HMOX1: variants seen among roughly 807,000 people sequenced by gnomAD.
HMOX1 encodes the protein heat shock protein, 32-kD.
HMOX1 carries 22 observed loss-of-function variants against 27.8 expected under a neutral mutation model. The ratio of observed to expected loss-of-function variants is 0.79; its 90% confidence interval spans 0.57 to 1.13. The LOEUF is 1.13. Ranked by LOEUF, HMOX1 falls within the 50% of genes most tolerant of loss-of-function variation. HMOX1 has a pLI of 0.00. For synonymous variants in HMOX1, 153 were observed against 151.6 expected, an observed-to-expected ratio of 1.01 and a Z score of -0.07; for missense variants, 379 against 377.7, an observed-to-expected ratio of 1.00 and a Z score of -0.03.
At chr22:35,393,097 A>G (rs370947742) in intron 4 of HMOX1, among the ~76,000 whole-genome samples, 6 of 152,326 alleles carry the variant, frequency 3.9e-5, no homozygotes, top group African/African-American at 1.2e-4. Flanking sequence ...CTGCCCCATC[A>G]TCACCATGCT....
In HMOX1 at chr22:35,393,353, G is replaced by T. The variant is rs1366482356; in HGVS notation, c.737-115G>T. 8 of 1,284,658 alleles carry T rather than the reference G, an allele frequency of 6.2e-6. No individual in the cohort carries two copies. The East Asian group carries it at 1.2e-4, about 19-fold the overall frequency. The allele number at this position is 1,284,658 out of a possible 1,614,324, so 79.6% of individuals were successfully genotyped here. A position where few individuals can be genotyped will look rare whatever the true frequency, so the allele number is the denominator to read the frequency against. ...GTCTGTGGTCTTGCAGAATCCTGGC[G>T]TTGGGCAGTGACTGTACCACAGACC... On this transcript the variant is annotated intron_variant, in intron 4 of 4. Transcript: ENST00000216117.
At position 35,386,699 on chromosome 22, in the gene HMOX1, C is replaced by T; in HGVS notation, c.159C>T (p.Ser53=). The T allele has an allele frequency of 3.1e-6, 5 of 1,614,174 alleles. No homozygotes were observed. The highest frequency in any genetic ancestry group is 3.4e-6 in the Non-Finnish European group (4 of 1,180,016). ...TRDGFKLVMA[S]LYHIYVALEE... is the part of the protein sequence containing the mutation. Reference sequence around the variant, plus strand: ...TCTGCTTTCAGCTGGTGATGGCCTCCCTGTACCACATCTATGTGGCCCTGG... The same window carrying T: ...TCTGCTTTCAGCTGGTGATGGCCTCTCTGTACCACATCTATGTGGCCCTGG... The change falls in exon 3 of 5, where the codon TCC becomes TCT. Residue 53 remains serine, a synonymous_variant. Transcript: ENST00000216117.
chr22:35,389,505 C>T (rs1052703237), intron 3 of HMOX1, among the ~76,000 whole-genome samples: 2 of 149,940 alleles, frequency 1.3e-5, no homozygotes, highest in Non-Finnish European at 2.9e-5. Context: ...TGCAATGGGG[C>T]GATCTTGGCT....
At chr22:35,383,026 C>T in intron 1 of HMOX1, 80 bp from the exon 2 acceptor site, 1 of 1,589,208 alleles carries the variant, frequency 6.3e-7, no homozygotes, top group South Asian at 1.1e-5. Context: ...GAAGGCCTGC[C>T]CACAGGTGGG....
chr22:35,389,459 T>G (rs1046176068), intron 3 of HMOX1, among the ~76,000 whole-genome samples: 4 of 142,902 alleles, frequency 2.8e-5, no homozygotes, highest in African/African-American at 8.7e-5. Flanking sequence ...TTTTCTTTCT[T>G]TCTTGCAGAG....
intron 3 of HMOX1, 64 bp from the exon 4 acceptor site, chr22:35,389,800 A>C: frequency 8.9e-7 from 1 of 1,119,252 alleles, no homozygotes; most frequent in Non-Finnish European, 1.3e-6. Context: ...TTAAGGTCCT[A>C]CCTTCAGCTG....
chr22:35,390,078 G>T (rs1278522056), intron 4 of HMOX1, 115 bp downstream of exon 4: 2 of 789,874 alleles, frequency 2.5e-6, no homozygotes, highest in East Asian at 2.7e-5. Flanking sequence ...GGTGGGTGTT[G>T]TTTCCTGCTG....
chr22:35,387,825 T>C (rs957063918), intron 3 of HMOX1, among the ~76,000 whole-genome samples: 1 of 152,258 alleles, frequency 6.6e-6, no homozygotes, highest in Non-Finnish European at 1.5e-5. Context: ...CATGCCCTCC[T>C]GGCTCCCTAC....
At chr22:35,391,593 T>TG (rs1479416856) in intron 4 of HMOX1, among the ~76,000 whole-genome samples, 1 of 130,954 alleles carries the variant, frequency 7.6e-6, no homozygotes, top group African/African-American at 3.1e-5. Context: ...GGCCTTTTTT[T>TG]TTTTTTTTTT....
chr22:35,383,119 T>A lies in HMOX1; in HGVS notation c.37T>A (p.Leu13Met), dbSNP rs369762159. The change falls in exon 2 of 5, where the codon TTG (leucine) becomes ATG (methionine). Residue 13 changes from leucine (L) to methionine (M), a missense_variant. By Grantham distance (15) the Leu-to-Met change is conservative. Transcript: ENST00000216117. ...RPQPDSMPQD[L>M]SEALKEATKE... ...TTTCCTCCTCAGCATGCCCCAGGAT[T>A]TGTCAGAGGCCCTGAAGGAGGCCAC... The A allele has an allele frequency of 5.1e-5, 83 of 1,613,556 alleles. No individual in the cohort carries two copies. The highest frequency in any genetic ancestry group is 6.1e-5 in the Non-Finnish European group (72 of 1,179,694).
intron 3 of HMOX1, among the ~76,000 whole-genome samples, chr22:35,388,048 G>T (rs1381296099): frequency 2.0e-5 from 3 of 152,044 alleles, no homozygotes; most frequent in South Asian, 4.1e-4. Context: ...CGGATTGCTT[G>T]AGCTCAGGAG....
At chr22:35,387,301 C>A in intron 3 of HMOX1, 125 bp downstream of exon 3, 3 of 1,118,168 alleles carry the variant, frequency 2.7e-6, no homozygotes, top group Non-Finnish European at 4.0e-6. Flanking sequence ...TCCAGCACTG[C>A]CACTTACTAG....
Position 35,386,908 on chromosome 22 carries a change from G to A in HMOX1, c.368G>A (p.Arg123His), listed in dbSNP as rs903006597. 1.2e-5 allele frequency: 19 copies of A among 1,613,912 alleles called. 1 individual carries two copies. The highest frequency in any genetic ancestry group is 3.3e-4 in the Middle Eastern group (2 of 6,082). ...GTGAAGCGGCTCCACGAGGTGGGGC[G>A]CACAGAGCCCGAGCTGCTGGTGGCC... The part of the protein sequence containing the change: ...RYVKRLHEVG[R>H]TEPELLVAHA... The change falls in exon 3 of 5, where the codon CGC (arginine) becomes CAC (histidine). Residue 123 changes from arginine to histidine, a missense_variant. Transcript: ENST00000216117.
intron 1 of HMOX1, among the ~76,000 whole-genome samples, chr22:35,382,227 C>T (rs1322095558): frequency 6.6e-6 from 1 of 152,158 alleles, no homozygotes; most frequent in Non-Finnish European, 1.5e-5. Flanking sequence ...CCAGGATTTC[C>T]CCCTTGGTTT....
intron 4 of HMOX1, chr22:35,390,170 C>G: frequency 1.7e-6 from 1 of 604,936 alleles, no homozygotes. Flanking sequence ...AAGCAATCCT[C>G]TTGCCTCTGC....
chr22:35,388,268 C>T (rs921801394), intron 3 of HMOX1, among the ~76,000 whole-genome samples: 3 of 151,702 alleles, frequency 2.0e-5, no homozygotes, highest in Non-Finnish European at 2.9e-5. Flanking sequence ...CCTGGCAACA[C>T]AGTGAGACCC....
At chr22:35,385,508 C>A (rs1931479982) in intron 2 of HMOX1, among the ~76,000 whole-genome samples, 1 of 149,926 alleles carries the variant, frequency 6.7e-6, no homozygotes, top group Non-Finnish European at 1.5e-5. Context: ...GATATGATCA[C>A]AGCTCACTGC....
intron 2 of HMOX1, among the ~76,000 whole-genome samples, chr22:35,386,244 C>T (rs1931501114): frequency 6.6e-6 from 1 of 152,098 alleles, no homozygotes; most frequent in South Asian, 2.1e-4. Context: ...GCGTGAGCCA[C>T]CGCACCTGGC....
chr22:35,386,633 G>A (rs1931509202), intron 2 of HMOX1, 52 bp from the exon 3 acceptor site: 1 of 1,612,890 alleles, frequency 6.2e-7, no homozygotes, highest in African/African-American at 1.3e-5. Context: ...GACGGACAGA[G>A]GTGGGGGTCT....
Sources: allele counts gnomAD v4.1 joint callset (sites outside exome capture counted in the v4.1 genomes callset), GRCh38; gene constraint gnomAD v4.1.1; transcripts MANE v1.5; gene names NCBI Gene and HGNC (gene_info 2026-07-23, HGNC 2026-07-21).